Variants in ALX1 observed in about 807,000 individuals in gnomAD.
The protein encoded by ALX1 is ALX homeobox protein 1.
Under a neutral mutation model 31.7 loss-of-function variants are expected in ALX1, and 19 were observed. That is an observed-to-expected ratio of 0.60 (90% CI 0.42 to 0.88). ALX1 has a LOEUF of 0.88. Among genes scored for constraint, ALX1 ranks in the 40% least tolerant of loss-of-function variants. The pLI is 0.00. For synonymous variants in ALX1, 153 were observed against 148.8 expected, an observed-to-expected ratio of 1.03 and a Z score of -0.20; for missense variants, 415 against 407.8, an observed-to-expected ratio of 1.02 and a Z score of -0.15.
At chr12:85,286,687 G>A (rs2137380072) in intron 2 of ALX1, among the ~76,000 whole-genome samples, 166 bp from the exon 3 acceptor site, 2 of 151,944 alleles carry the variant, frequency 1.3e-5, no homozygotes, top group South Asian at 4.1e-4. Context: ...ACCACATCAA[G>A]ATACAAGAAA....
chr12:85,289,100 C>T (rs1896784483), intron 3 of ALX1, among the ~76,000 whole-genome samples: 1 of 151,232 alleles, frequency 6.6e-6, no homozygotes, highest in South Asian at 2.1e-4. Context: ...TCCTTTCAAA[C>T]CCCATTTCTG....
Position 85,286,971 on chromosome 12 carries a change from G to C in ALX1, c.650G>C (p.Ser217Thr). 6.2e-7 allele frequency: 1 copy of C among 1,612,006 alleles called. No individual in the cohort carries two copies. Among genetic ancestry groups the C allele is most frequent in the Non-Finnish European group, 8.5e-7 (1 of 1,178,484 alleles). Reference protein sequence around the residue: ...YDISVLPRTDSYPQIQNNLWA... With the variant: ...YDISVLPRTDTYPQIQNNLWA... ...ATATCAGTTTTGCCAAGGACTGACAGCTACCCACAGGTATGCTAAACTACA... is the reference window on the plus strand; with the variant it reads ...ATATCAGTTTTGCCAAGGACTGACACCTACCCACAGGTATGCTAAACTACA... Residue 217 changes from serine to threonine, a missense_variant, in exon 3 of 4, where the codon AGC becomes ACC. Ser to Thr is a moderately conservative substitution (Grantham distance 58, BLOSUM62 1). Coordinates refer to ENST00000316824, the MANE Select transcript of ALX1 (RefSeq NM_006982.3).
At chr12:85,280,746 T>C (rs2137373468) in intron 1 of ALX1, among the ~76,000 whole-genome samples, 1 of 152,204 alleles carries the variant, frequency 6.6e-6, no homozygotes, top group Non-Finnish European at 1.5e-5. Context: ...TAGGGTCTGG[T>C]CGCCTACGGA....
In ALX1 at chr12:85,280,495, G is replaced by T. The variant is rs746804639; in HGVS notation, c.226+8G>T. 1 of 1,609,168 alleles carries T rather than the reference G, an allele frequency of 6.2e-7. No homozygotes were observed. The highest frequency in any genetic ancestry group is 8.5e-7 in the Non-Finnish European group (1 of 1,179,560). ...CCTGTCAGGACAGCAGCGGTGAGTC[G>T]CTAGCGCCCCAGCCGGAGCCGCCGC... On this transcript the variant is annotated splice_region_variant and intron_variant, in intron 1 of 3. Coordinates refer to ENST00000316824, the MANE Select transcript of ALX1 (RefSeq NM_006982.3).
Position 85,286,895 on chromosome 12 carries a change from C to T in ALX1, c.574C>T (p.Arg192Cys), listed in dbSNP as rs778396653. 8 of 1,611,336 alleles carry T rather than the reference C, an allele frequency of 5.0e-6. No homozygotes were observed. The highest frequency in any genetic ancestry group is 1.1e-5 in the South Asian group (1 of 90,930). ...NRRAKWRKRE[R>C]YGQIQQAKSH... ...AAGGGCCAAATGGAGAAAAAGGGAA[C>T]GTTATGGCCAAATACAACAAGCGAA... Residue 192 changes from arginine to cysteine, a missense_variant, in exon 3 of 4, where the codon CGT becomes TGT. By Grantham distance (180) the Arg-to-Cys change is radical. Around this residue, in one of 3 missense-constraint regions of ALX1, gnomAD observed 174 missense variants for 177.5 expected, o/e 0.98. Transcript: ENST00000316824.
chr12:85,283,593 T>C lies in ALX1; in HGVS notation c.248T>C (p.Val83Ala), dbSNP rs1200413690. 6.2e-7 allele frequency: 1 copy of C among 1,613,976 alleles called. No individual in the cohort carries two copies. The highest frequency in any genetic ancestry group is 1.7e-5 in the Admixed American group (1 of 60,000). Residue 83 changes from valine (V) to alanine (A), a missense_variant, in exon 2 of 4, where the codon GTA becomes GCA. Physicochemically the swap from Val to Ala is moderately conservative, Grantham distance 64 (BLOSUM62 0). Around this residue, in one of 3 missense-constraint regions of ALX1, gnomAD observed 235 missense variants for 208.9 expected, o/e 1.13. Coordinates refer to ENST00000316824, the MANE Select transcript of ALX1 (RefSeq NM_006982.3). ...DSSVNYGITK[V>A]EGQPLHTELN... ...ACAGTGAACTATGGGATCACTAAAG[T>C]AGAAGGACAGCCCCTTCACACCGAA...
intron 2 of ALX1, among the ~76,000 whole-genome samples, chr12:85,284,916 T>C (rs530816744): frequency 1.9e-4 from 29 of 152,068 alleles, no homozygotes; most frequent in Non-Finnish European, 4.4e-5. Context: ...CTTCTTAAAA[T>C]TGTAAGGCTC....
Position 85,281,902 on chromosome 12 carries a change from A to T in ALX1, c.226+1415A>T, listed in dbSNP as rs1403471695. Among the ~76,000 whole-genome samples, 4 of 152,344 alleles carry T rather than the reference A, an allele frequency of 2.6e-5. No homozygotes were observed. The East Asian group carries it at 7.7e-4, about 29-fold the overall frequency. The stretch of plus-strand genomic sequence containing the variant: ...ATTGACTCTGGATGGACTTGATCAT[A>T]ATATTTTATTTTGAATAGTCGAGAA... On this transcript the variant is annotated intron_variant, in intron 1 of 3. Transcript: ENST00000316824.
chr12:85,290,630 A>C (rs1034077548), intron 3 of ALX1, among the ~76,000 whole-genome samples: 1 of 151,272 alleles, frequency 6.6e-6, no homozygotes, highest in African/African-American at 2.4e-5. Context: ...TGACAACAGT[A>C]TCTTTTTGTT....
chr12:85,280,424 C>G lies in ALX1; in HGVS notation c.163C>G (p.Pro55Ala). ...AGGCAAATGCGTGCAGGCCTTCGGA[C>G]CCCTGCCCCGCGCCGAGCATCACGT... ...SAGKCVQAFG[P>A]LPRAEHHVRL... Residue 55 changes from proline (P) to alanine (A), a missense_variant, in exon 1 of 4, where the codon CCC (proline) becomes GCC (alanine). Pro to Ala is a conservative substitution (Grantham distance 27, BLOSUM62 -1). Coordinates refer to ENST00000316824, the MANE Select transcript of ALX1 (RefSeq NM_006982.3). The G allele has an allele frequency of 6.2e-7, 1 of 1,612,724 alleles. No homozygotes were observed. Among genetic ancestry groups the G allele is most frequent in the Non-Finnish European group, 8.5e-7 (1 of 1,180,030 alleles).
intron 2 of ALX1, 108 bp from the exon 3 acceptor site, chr12:85,286,745 C>A (rs569183626): frequency 9.8e-7 from 1 of 1,025,420 alleles, no homozygotes; most frequent in Admixed American, 2.7e-5. Flanking sequence ...TTTCTTTTTA[C>A]GTAATTTTTT....
chr12:85,281,841 G>T (rs1292255763), intron 1 of ALX1, among the ~76,000 whole-genome samples: 3 of 152,278 alleles, frequency 2.0e-5, no homozygotes, highest in South Asian at 4.1e-4. Context: ...TATTTGAATT[G>T]ACAGGTCTTT....
Position 85,280,372 on chromosome 12 carries a change from T to A in ALX1, c.111T>A (p.Asn37Lys). The part of the protein sequence containing the change: ...PLEHVMETLD[N>K]ESFYSKASAG... ...AGCACGTTATGGAGACGCTGGACAATGAGTCCTTTTACAGCAAAGCGTCTG... is the reference window on the plus strand; with the variant it reads ...AGCACGTTATGGAGACGCTGGACAAAGAGTCCTTTTACAGCAAAGCGTCTG... Residue 37 changes from asparagine to lysine, a missense_variant, in exon 1 of 4, where the codon AAT (asparagine) becomes AAA (lysine). Transcript: ENST00000316824. The A allele has an allele frequency of 1.2e-6, 2 of 1,613,840 alleles. No homozygotes were observed. The highest frequency in any genetic ancestry group is 2.2e-5 in the East Asian group (1 of 44,828).
At chr12:85,280,530 G>A in intron 1 of ALX1, 43 bp downstream of exon 1, 10 of 1,592,266 alleles carry the variant, frequency 6.3e-6, no homozygotes, top group Non-Finnish European at 8.6e-6. Flanking sequence ...CAGCCCTTCC[G>A]CAATCGAAAA....
At chr12:85,287,067 T>C (rs1896758393) in intron 3 of ALX1, 86 bp downstream of exon 3, 1 of 1,461,512 alleles carries the variant, frequency 6.8e-7, no homozygotes, top group Non-Finnish European at 9.5e-7. Context: ...CTTTATTATA[T>C]GTAAGATAAT....
At chr12:85,281,416 G>C (rs1274223960) in intron 1 of ALX1, among the ~76,000 whole-genome samples, 1 of 152,104 alleles carries the variant, frequency 6.6e-6, no homozygotes, top group South Asian at 2.1e-4. Flanking sequence ...CCTTATCATT[G>C]TATATATTCC....
chr12:85,294,303 T>C (rs1049646611), intron 3 of ALX1, among the ~76,000 whole-genome samples: 15 of 151,014 alleles, frequency 9.9e-5, no homozygotes, highest in Admixed American at 6.6e-4. Flanking sequence ...GAATCAGCAA[T>C]AGCTATCATA....
At chr12:85,287,120 T>G in intron 3 of ALX1, 139 bp downstream of exon 3, 3 of 983,568 alleles carry the variant, frequency 3.1e-6, no homozygotes, top group Non-Finnish European at 4.4e-6. Flanking sequence ...ATTCTTCATG[T>G]CTGCTAAGTT....
intron 1 of ALX1, among the ~76,000 whole-genome samples, chr12:85,282,116 T>C (rs1896682290): frequency 1.3e-5 from 2 of 152,228 alleles, no homozygotes; most frequent in East Asian, 3.9e-4. Context: ...CCATCCCTAA[T>C]TGCTGCAGTT....
Sources: gnomAD v4.1 joint callset for allele counts (sites outside exome capture counted in the v4.1 genomes callset) on GRCh38, gnomAD v4.1.1 for gene constraint, gnomAD v4.1.1 regional missense constraint, MANE v1.5 for transcripts, NCBI Gene and HGNC (gene_info 2026-07-23, HGNC 2026-07-21) for gene names.